Variants in CPE observed in about 807,000 individuals in gnomAD.
CPE encodes the protein carboxypeptidase E.
Under a neutral mutation model 53.5 loss-of-function variants are expected in CPE, and 17 were observed. The observed-to-expected ratio is 0.32, with a 90% CI of 0.22 to 0.48. The LOEUF is 0.48. Ranked by LOEUF, CPE falls within the 20% of genes least tolerant of loss-of-function variation. The pLI is 0.99. For missense variants in CPE, 524 were observed against 614.7 expected (o/e 0.85, Z 1.56); for synonymous variants, 226 against 228.8 (o/e 0.99, Z 0.11).
At chr4:165,386,101 T>C (rs1730586136) in intron 1 of CPE, 15 of 361,408 alleles carry the variant, frequency 4.2e-5, no homozygotes, top group South Asian at 3.3e-4. Context: ...GTCAATTAAC[T>C]TCTCTCTATC....
chr4:165,428,933 C>T (rs1261027143), intron 1 of CPE, among the ~76,000 whole-genome samples: 1 of 152,168 alleles, frequency 6.6e-6, no homozygotes, highest in African/African-American at 2.4e-5. Flanking sequence ...TATAAGGTAA[C>T]ATTCACAGGT....
intron 3 of CPE, among the ~76,000 whole-genome samples, chr4:165,479,291 G>A (rs1732359626): frequency 6.6e-6 from 1 of 152,080 alleles, no homozygotes; most frequent in African/African-American, 2.4e-5. Flanking sequence ...AATATAATAA[G>A]AGTGTATTTC....
At chr4:165,480,137 A>G (rs1252439380) in intron 3 of CPE, among the ~76,000 whole-genome samples, 1 of 152,172 alleles carries the variant, frequency 6.6e-6, no homozygotes, top group African/African-American at 2.4e-5. Context: ...AACTTTAAAA[A>G]TTCTATTGTC....
At chr4:165,408,074 T>C (rs986059242) in intron 1 of CPE, among the ~76,000 whole-genome samples, 13 of 152,156 alleles carry the variant, frequency 8.5e-5, no homozygotes, top group African/African-American at 2.9e-4. Flanking sequence ...TTATCAGATA[T>C]ACAATTTGCA....
intron 1 of CPE, among the ~76,000 whole-genome samples, chr4:165,428,044 T>C (rs1310678850): frequency 6.6e-6 from 1 of 152,046 alleles, no homozygotes; most frequent in Non-Finnish European, 1.5e-5. Context: ...TTATTTCTTT[T>C]TTATAGACAA....
At chr4:165,398,160 CAATT>C (rs1335735097) in intron 1 of CPE, among the ~76,000 whole-genome samples, 9 of 151,072 alleles carry the variant, frequency 6.0e-5, no homozygotes, top group Non-Finnish European at 8.8e-5. Flanking sequence ...GTTCTGGTCT[CAATT>C]AATTAATTAT....
At chr4:165,495,479 T>G (rs1732690756) in intron 7 of CPE, 80 bp from the exon 8 acceptor site, 1 of 892,960 alleles carries the variant, frequency 1.1e-6, no homozygotes, top group Non-Finnish European at 1.8e-6. Context: ...GACTGGGTAT[T>G]CCTTAGATGG....
chr4:165,494,499 C>CTT (rs1425079004), intron 7 of CPE, among the ~76,000 whole-genome samples: 12 of 152,230 alleles, frequency 7.9e-5, no homozygotes, highest in Admixed American at 2.6e-4. Context: ...GTCCTGGAGG[C>CTT]TTTGAAGTGC....
intron 1 of CPE, among the ~76,000 whole-genome samples, chr4:165,439,192 C>T (rs1731564503): frequency 6.6e-6 from 1 of 152,124 alleles, no homozygotes; most frequent in Non-Finnish European, 1.5e-5. Flanking sequence ...AACCAACCAA[C>T]CAAACCAATG....
chr4:165,454,783 T>C (rs1731873352), intron 1 of CPE, among the ~76,000 whole-genome samples: 1 of 152,244 alleles, frequency 6.6e-6, no homozygotes. Context: ...CAGAGAACTA[T>C]CAAAATTGTC....
chr4:165,441,011 T>C (rs7656705), intron 1 of CPE, among the ~76,000 whole-genome samples: 1,660 of 152,204 alleles, frequency 0.011, 37 homozygotes, highest in African/African-American at 0.037. Context: ...AATGCATCAG[T>C]ACAAAGGCAC....
rs200742682 is a variant in CPE at position 165,484,402 on chromosome 4, C to T, written c.791-20C>T. 56 of 1,607,938 alleles carry T rather than the reference C, an allele frequency of 3.5e-5. No individual in the cohort carries two copies. In the East Asian group the frequency reaches 1.2e-3, roughly 35 times the overall value. On this transcript the variant is annotated intron_variant, in intron 4 of 8. Coordinates refer to ENST00000402744, the MANE Select transcript of CPE (RefSeq NM_001873.4). ...CTTGGTCTGTGTCTGTTTCTTTAAT[C>T]TTGTGGATTTGTTTTCTAGGTAGTG...
chr4:165,404,469 G>C (rs1365117455), intron 1 of CPE: 11 of 775,818 alleles, frequency 1.4e-5, no homozygotes, highest in Admixed American at 3.4e-5. Flanking sequence ...CCAGACTGGC[G>C]ACCTAGGAAG....
intron 1 of CPE, among the ~76,000 whole-genome samples, chr4:165,417,139 A>G (rs10004552): frequency 0.33 from 50,075 of 151,872 alleles, 8,312 homozygotes; most frequent in Middle Eastern, 0.42. Flanking sequence ...ATTAGGGGGC[A>G]GAAGAAGGAA....
chr4:165,413,982 A>G (rs985442615), intron 1 of CPE, among the ~76,000 whole-genome samples: 1 of 152,240 alleles, frequency 6.6e-6, no homozygotes, highest in Admixed American at 6.5e-5. Flanking sequence ...TGATATGGAC[A>G]AGAAAAATCG....
At chr4:165,402,613 A>G (rs1243355060) in intron 1 of CPE, among the ~76,000 whole-genome samples, 2 of 152,190 alleles carry the variant, frequency 1.3e-5, no homozygotes, top group Admixed American at 1.3e-4. Flanking sequence ...TGTGACGTGC[A>G]TGCTCCTGCT....
At chr4:165,398,051 T>TAAAAA (rs397955897) in intron 1 of CPE, among the ~76,000 whole-genome samples, 4 of 92,228 alleles carry the variant, frequency 4.3e-5, no homozygotes, top group Non-Finnish European at 8.8e-5. Flanking sequence ...TCCTCATTTC[T>TAAAAA]AAAAAAAAAA....
chr4:165,381,927 C>T (rs981794560), intron 1 of CPE, among the ~76,000 whole-genome samples: 1 of 152,150 alleles, frequency 6.6e-6, no homozygotes, highest in African/African-American at 2.4e-5. Flanking sequence ...TTTTGAGCAC[C>T]TGTATACTCA....
At position 165,405,222 on chromosome 4, in the gene CPE, C is replaced by T. The variant is rs193044871; in HGVS notation, c.307+25694C>T. 1.1e-3 allele frequency: 921 copies of T among 803,670 alleles called. 4 individuals are homozygous for T. The African/African-American group carries it at 0.013, about 11-fold the overall frequency. 49.8% of individuals were successfully genotyped at this position (803,670 alleles called of 1,614,324 possible). On this transcript the variant is annotated intron_variant, in intron 1 of 8. Transcript: ENST00000402744. ...AGTATAGTCTTTCGCCCCTTATCCACGGAGACTTGGGCAATGCCTGCTCCC... is the reference window on the plus strand; with the variant it reads ...AGTATAGTCTTTCGCCCCTTATCCATGGAGACTTGGGCAATGCCTGCTCCC...
Sources: allele counts gnomAD v4.1 joint callset (sites outside exome capture counted in the v4.1 genomes callset), GRCh38; gene constraint gnomAD v4.1.1; transcripts MANE v1.5; gene names NCBI Gene and HGNC (gene_info 2026-07-23, HGNC 2026-07-21).